Variants in COL21A1 observed in about 807,000 individuals in gnomAD.
COL21A1 encodes collagen type XXI alpha 1 chain.
In COL21A1, 149 loss-of-function variants were observed where a neutral mutation model predicts 137.9. That is an observed-to-expected ratio of 1.08 (90% CI 0.95 to 1.24). The LOEUF (loss-of-function observed/expected upper bound fraction) is 1.24, where lower values mean the gene tolerates loss of function less well. COL21A1 is among the 50% of genes most tolerant of loss of function. The pLI is 0.00. For synonymous variants in COL21A1, 456 were observed against 391.5 expected (o/e 1.16, Z -1.95); for missense variants, 1,167 against 1,158.4 (o/e 1.01, Z -0.11).
intron 1 of COL21A1, among the ~76,000 whole-genome samples, chr6:56,317,544 G>C (rs1293353866): frequency 6.6e-6 from 1 of 152,038 alleles, no homozygotes; most frequent in Non-Finnish European, 1.5e-5. Flanking sequence ...CAATACCCCA[G>C]CCTCTTAATT....
intron 1 of COL21A1, among the ~76,000 whole-genome samples, chr6:56,221,512 T>A (rs1419313012): frequency 6.6e-6 from 1 of 151,996 alleles, no homozygotes. Context: ...TACTTGAGCC[T>A]ACAAGTTTTA....
intron 21 of COL21A1, among the ~76,000 whole-genome samples, chr6:56,069,638 A>C (rs1313950680): frequency 6.7e-6 from 1 of 150,036 alleles, no homozygotes; most frequent in Non-Finnish European, 1.5e-5. Context: ...ATATATAGTT[A>C]ATAAAATGTG....
rs78820557 is a variant in COL21A1, at chr6:56,129,675, C to CGTGTGTGTGTGTGTGT, written c.1543-3542_1543-3527dup. On this transcript the variant is annotated intron_variant, in intron 12 of 29. Coordinates refer to ENST00000244728, the MANE Select transcript of COL21A1 (RefSeq NM_030820.4). ...TGTTGCTTCCTCTGTCACGTGCGTG[C>CGTGTGTGTGTGTGTGT]GTGTGTGTGTGTGTGTGTGTGTGTG... is the stretch of plus-strand genomic sequence containing the variant. Among the ~76,000 whole-genome samples the CGTGTGTGTGTGTGTGT allele has an allele frequency of 7.7e-4, 105 of 136,504 alleles. 2 individuals are homozygous for CGTGTGTGTGTGTGTGT. In the South Asian group the frequency reaches 0.01, roughly 13 times the overall value. The allele number at this position is 136,504 out of a possible 152,430, so 89.6% of individuals were successfully genotyped here.
At chr6:56,267,239 G>A (rs570051828) in intron 1 of COL21A1, among the ~76,000 whole-genome samples, 1 of 152,336 alleles carries the variant, frequency 6.6e-6, no homozygotes, top group South Asian at 2.1e-4. Context: ...GTACAGCAGA[G>A]TCTGTCCTGA....
At position 56,124,108 on chromosome 6, in the gene COL21A1, G is replaced by C. The variant is rs1276418403; in HGVS notation, c.1712C>G (p.Pro571Arg). ...FPGLPGPAGE[P>R]GRHGKDGLMG... The stretch of plus-strand genomic sequence containing the variant: ...TAATCCATCCTTTCCATGTCTTCCT[G>C]GTTCTCCCTAAAAAATAAATACATA... The change falls in exon 16 of 30, where the codon CCA (proline) becomes CGA (arginine). Residue 571 changes from proline to arginine, a missense_variant. By Grantham distance (103) the Pro-to-Arg change is moderately radical. Coordinates refer to ENST00000244728, the MANE Select transcript of COL21A1 (RefSeq NM_030820.4). The C allele has an allele frequency of 9.1e-6, 14 of 1,537,440 alleles. No homozygotes were observed. The highest frequency in any genetic ancestry group is 1.2e-5 in the Non-Finnish European group (14 of 1,141,626).
intron 17 of COL21A1, among the ~76,000 whole-genome samples, chr6:56,090,391 A>G (rs1768689421): frequency 6.6e-6 from 1 of 152,224 alleles, no homozygotes; most frequent in Non-Finnish European, 1.5e-5. Flanking sequence ...TATGATAGGA[A>G]AGAATAAAAC....
intron 1 of COL21A1, among the ~76,000 whole-genome samples, chr6:56,310,513 A>C (rs564634277): frequency 5.3e-5 from 8 of 152,224 alleles, no homozygotes; most frequent in Admixed American, 5.2e-4. Context: ...AAAAGTGGGG[A>C]GGTCTACAAA....
In COL21A1 at chr6:56,274,756, T is replaced by C. The variant is rs1482882270; in HGVS notation, c.-38-92100A>G. On this transcript the variant is annotated intron_variant, in intron 1 of 28. Transcript: ENST00000370819. ...AAAATGGAAAAATATTCCATGCCTA[T>C]GGATTAAAAAATCAGTATTATTAAA... Among the ~76,000 whole-genome samples, 3 of 152,120 alleles carry C rather than the reference T, an allele frequency of 2.0e-5. No homozygotes were observed. The East Asian group carries it at 5.8e-4, about 29-fold the overall frequency.
chr6:56,379,771 A>G (rs905353331), intron 1 of COL21A1, among the ~76,000 whole-genome samples: 12 of 152,184 alleles, frequency 7.9e-5, no homozygotes, highest in African/African-American at 2.9e-4. Flanking sequence ...GAGAGTGCCT[A>G]TTTCCTCACT....
intron 12 of COL21A1, among the ~76,000 whole-genome samples, chr6:56,134,651 TCCCACTTGTGGGAGGAA>T (rs1033115055): frequency 6.6e-6 from 1 of 152,222 alleles, no homozygotes; most frequent in Non-Finnish European, 1.5e-5. Flanking sequence ...CTTCCATAAT[TCCCACTTGTGGGAGGAA>T]CCCAACGGGA....
At chr6:56,334,028 T>TGATAGTATGGAGTTTCAGTA (rs146717098) in intron 1 of COL21A1, among the ~76,000 whole-genome samples, 1 of 151,524 alleles carries the variant, frequency 6.6e-6, no homozygotes, top group African/African-American at 2.4e-5. Flanking sequence ...ATGCTTTGCA[T>TGATAGTATGGAGTTTCAGTA]ATGACAGTAT....
At chr6:56,372,465 G>T (rs2093991232) in intron 1 of COL21A1, among the ~76,000 whole-genome samples, 1 of 152,176 alleles carries the variant, frequency 6.6e-6, no homozygotes, top group South Asian at 2.1e-4. Flanking sequence ...TATTCAGAAA[G>T]TATTGGCAGG....
intron 1 of COL21A1, among the ~76,000 whole-genome samples, chr6:56,197,992 T>G (rs1779139699): frequency 6.6e-6 from 1 of 151,966 alleles, no homozygotes; most frequent in South Asian, 2.1e-4. Flanking sequence ...GAAACTGGGG[T>G]GTGTGTACAC....
At chr6:56,121,873 A>G (rs978233228) in intron 16 of COL21A1, among the ~76,000 whole-genome samples, 1 of 152,052 alleles carries the variant, frequency 6.6e-6, no homozygotes, top group Non-Finnish European at 1.5e-5. Flanking sequence ...GAATGTTTCC[A>G]TTAAAAATTT....
intron 2 of COL21A1, among the ~76,000 whole-genome samples, chr6:56,181,585 G>A (rs537844205): frequency 6.6e-6 from 1 of 152,108 alleles, no homozygotes; most frequent in South Asian, 2.1e-4. Flanking sequence ...CCTGTCACAG[G>A]GCCACAGAGC....
intron 1 of COL21A1, among the ~76,000 whole-genome samples, chr6:56,209,958 G>C (rs1780052762): frequency 6.6e-6 from 1 of 152,126 alleles, no homozygotes; most frequent in African/African-American, 2.4e-5. Context: ...AAAGAAGGAG[G>C]AGTTCATGTC....
Position 56,140,914 on chromosome 6 carries a change from C to T in COL21A1, c.1542+871G>A, listed in dbSNP as rs149325933. Reference sequence around the variant, plus strand: ...GTATGACATTGTAAAATTCACAGACCTATATTTAAAAGACAACATAATGAC... The same window carrying T: ...GTATGACATTGTAAAATTCACAGACTTATATTTAAAAGACAACATAATGAC... On this transcript the variant is annotated intron_variant, in intron 12 of 29. Coordinates refer to ENST00000244728, the MANE Select transcript of COL21A1 (RefSeq NM_030820.4). Among the ~76,000 whole-genome samples the T allele has an allele frequency of 2.3e-3, 355 of 152,180 alleles. 6 individuals carry two copies. In the East Asian group the frequency reaches 0.054, roughly 23 times the overall value.
Position 56,179,790 on chromosome 6 carries a change from G to C in COL21A1, c.428C>G (p.Thr143Arg). 2 of 1,613,852 alleles carry C rather than the reference G, an allele frequency of 1.2e-6. No homozygotes were observed. The highest frequency in any genetic ancestry group is 8.5e-7 in the Non-Finnish European group (1 of 1,179,818). Reference sequence around the variant, plus strand: ...GACGTCATCTTGGGATTTGCCATCCGTAAGTACCACTGCTATCTTAGTCAG... The same window carrying C: ...GACGTCATCTTGGGATTTGCCATCCCTAAGTACCACTGCTATCTTAGTCAG... ...RFLTKIAVVL[T>R]DGKSQDDVKD... The change falls in exon 3 of 30, where the codon ACG (threonine) becomes AGG (arginine). Residue 143 changes from threonine (T) to arginine (R), a missense_variant. Thr to Arg is a moderately conservative substitution (Grantham distance 71, BLOSUM62 -1). Coordinates refer to ENST00000244728, the MANE Select transcript of COL21A1 (RefSeq NM_030820.4).
rs558979932 is a variant in COL21A1 at position 56,342,305 on chromosome 6, A to T, written c.-39+51666T>A. 2.0e-5 allele frequency among the ~76,000 whole-genome samples: 3 copies of T among 152,308 alleles called. No homozygotes were observed. The South Asian group carries it at 6.2e-4, about 32-fold the overall frequency. On this transcript the variant is annotated intron_variant, in intron 1 of 28. Transcript: ENST00000370819. ...TTCTATTACAAAAACTCCTCTAAAC[A>T]TTCTGGATTATTATGACTGCACCAT...
Sources: gnomAD v4.1 joint callset for allele counts (sites outside exome capture counted in the v4.1 genomes callset) on GRCh38, gnomAD v4.1.1 for gene constraint, MANE v1.5 for transcripts, NCBI Gene and HGNC (gene_info 2026-07-23, HGNC 2026-07-21) for gene names.